The following SCN9A variants were observed in gnomAD, a reference collection of about 807,000 sequenced individuals.
SCN9A encodes sodium voltage-gated channel alpha subunit 9, also known as sodium channel protein type 9 subunit alpha.
SCN9A carries 131 observed loss-of-function variants against 187.0 expected under a neutral mutation model. The ratio of observed to expected loss-of-function variants is 0.70; its 90% confidence interval spans 0.61 to 0.81. The LOEUF is 0.81. Among genes scored for constraint, SCN9A ranks in the 30% least tolerant of loss-of-function variants. SCN9A has a pLI of 0.00. For missense variants in SCN9A, 2,252 were observed against 2,396.6 expected, an observed-to-expected ratio of 0.94 and a Z score of 1.26; for synonymous variants, 809 against 808.6, an observed-to-expected ratio of 1.00 and a Z score of -0.01.
At chr2:166,361,392 T>C (rs192366053) in intron 1 of SCN9A, among the ~76,000 whole-genome samples, 4 of 152,136 alleles carry the variant, frequency 2.6e-5, no homozygotes, top group Admixed American at 6.6e-5. Context: ...GACTAAAATG[T>C]ATGCTTATAG....
intron 14 of SCN9A, among the ~76,000 whole-genome samples, chr2:166,279,500 A>T (rs1282156229): frequency 6.6e-6 from 1 of 152,204 alleles, no homozygotes. Flanking sequence ...TAGTGTGACC[A>T]GCACTGTACA....
In SCN9A at chr2:166,198,560, C is replaced by A. The variant is rs1693314786; in HGVS notation, c.*112G>T. On this transcript the variant is annotated 3_prime_UTR_variant, in exon 27 of 27. Transcript: ENST00000642356. ...AAATCAGAGTTAGTGACTGCACTGCCTTCGAGAATATTTTGATAAAAAGGA... is the reference window on the plus strand; with the variant it reads ...AAATCAGAGTTAGTGACTGCACTGCATTCGAGAATATTTTGATAAAAAGGA... 36 of 822,730 alleles carry A rather than the reference C, an allele frequency of 4.4e-5. No homozygotes were observed. In the East Asian group the frequency reaches 9.1e-4, roughly 21 times the overall value. 51.0% of individuals were successfully genotyped at this position (822,730 alleles called of 1,614,324 possible). A position where few individuals can be genotyped will look rare whatever the true frequency, so the allele number is the denominator to read the frequency against.
At chr2:166,304,476 T>A (rs1698685952) in intron 5 of SCN9A, 147 bp from the exon 6 acceptor site, 1 of 641,194 alleles carries the variant, frequency 1.6e-6, no homozygotes, top group Admixed American at 2.9e-5. Context: ...ACTAACTTAA[T>A]TTAATTAGCA....
intron 17 of SCN9A, among the ~76,000 whole-genome samples, chr2:166,270,319 A>T (rs1696918662): frequency 6.6e-6 from 1 of 152,184 alleles, no homozygotes; most frequent in African/African-American, 2.4e-5. Flanking sequence ...TCTGAAGATA[A>T]TTTAAAGTGT....
intron 24 of SCN9A, among the ~76,000 whole-genome samples, chr2:166,226,079 G>A (rs1694830548): frequency 6.6e-6 from 1 of 151,822 alleles, no homozygotes; most frequent in Admixed American, 6.6e-5. Context: ...TCAAATTACA[G>A]TATTCAACAA....
At chr2:166,266,330 C>T (rs1305913636) in intron 17 of SCN9A, among the ~76,000 whole-genome samples, 2 of 151,920 alleles carry the variant, frequency 1.3e-5, no homozygotes, top group Admixed American at 6.6e-5. Context: ...TGTCCTTTCT[C>T]TATTATAGGT....
rs956913105 is a variant in SCN9A at position 166,347,903 on chromosome 2, TA to T, written c.-51+27793del. Among the ~76,000 whole-genome samples, 7 of 151,152 alleles carry T rather than the reference TA, an allele frequency of 4.6e-5. No individual in the cohort carries two copies. In the East Asian group the frequency reaches 5.8e-4, roughly 13 times the overall value. Reference sequence around the variant, plus strand: ...GAAGAGACAAAGGAGGATAAATATTTAAAAAAAAACACATAGGATCGGAGTG... The same window carrying T: ...GAAGAGACAAAGGAGGATAAATATTTAAAAAAAACACATAGGATCGGAGTG... On this transcript the variant is annotated intron_variant, in intron 1 of 26. Coordinates refer to ENST00000642356, the MANE Select transcript of SCN9A (RefSeq NM_001365536.1).
intron 2 of SCN9A, among the ~76,000 whole-genome samples, chr2:166,310,188 T>G (rs1177309447): frequency 9.8e-6 from 1 of 101,990 alleles, no homozygotes; most frequent in Admixed American, 9.1e-5. Flanking sequence ...GACATAGGCA[T>G]GGGCAAGGAC....
At chr2:166,307,865 A>G (rs1698808498) in intron 2 of SCN9A, among the ~76,000 whole-genome samples, 1 of 152,218 alleles carries the variant, frequency 6.6e-6, no homozygotes, top group African/African-American at 2.4e-5. Context: ...CAGAAAGACA[A>G]AGTTCAAATC....
At chr2:166,320,067 G>A (rs1363562455) in intron 1 of SCN9A, among the ~76,000 whole-genome samples, 1 of 151,960 alleles carries the variant, frequency 6.6e-6, no homozygotes, top group Non-Finnish European at 1.5e-5. Context: ...TAGAAAGTTA[G>A]AAAACATTAC....
intron 2 of SCN9A, 80 bp from the exon 3 acceptor site, chr2:166,307,154 T>G: frequency 1.4e-6 from 1 of 736,950 alleles, no homozygotes; most frequent in Non-Finnish European, 2.4e-6. Context: ...TTTACCTTTC[T>G]ACATGGCAGT....
intron 14 of SCN9A, among the ~76,000 whole-genome samples, chr2:166,278,850 G>A (rs12476348): frequency 0.019 from 2,819 of 152,216 alleles, 115 homozygotes; most frequent in Admixed American, 0.099. Context: ...ACACAAAAGT[G>A]CATTGCAAAA....
At chr2:166,200,236 A>G (rs1343177953) in intron 26 of SCN9A, among the ~76,000 whole-genome samples, 3 of 151,086 alleles carry the variant, frequency 2.0e-5, no homozygotes, top group Non-Finnish European at 4.4e-5. Context: ...TGACCTCGTG[A>G]TCCGCCCGCC....
intron 1 of SCN9A, among the ~76,000 whole-genome samples, chr2:166,333,573 T>G (rs1699558869): frequency 6.6e-6 from 1 of 152,116 alleles, no homozygotes; most frequent in Non-Finnish European, 1.5e-5. Context: ...TGTATTGACT[T>G]AAAGTTAACT....
At position 166,286,321 on chromosome 2, in the gene SCN9A, C is replaced by A. The variant is rs201987507; in HGVS notation, c.1602+15G>T. 4 of 1,592,374 alleles carry A rather than the reference C, an allele frequency of 2.5e-6. No individual in the cohort carries two copies. The African/African-American group carries it at 5.4e-5, about 22-fold the overall frequency. ...TCTGCCTCGGGTGATACACATTTAG[C>A]AATTTGGGTGGTACCTGATTGGGGG... is the stretch of plus-strand genomic sequence containing the variant. On this transcript the variant is annotated intron_variant, in intron 11 of 26. Coordinates refer to ENST00000642356, the MANE Select transcript of SCN9A (RefSeq NM_001365536.1).
At chr2:166,370,688 T>G (rs1425693819) in intron 1 of SCN9A, among the ~76,000 whole-genome samples, 1 of 152,158 alleles carries the variant, frequency 6.6e-6, no homozygotes, top group Non-Finnish European at 1.5e-5. Flanking sequence ...GCTTCTAATC[T>G]TATTTATCTT....
chr2:166,208,172 G>A (rs1182677131), intron 24 of SCN9A, among the ~76,000 whole-genome samples: 1 of 152,120 alleles, frequency 6.6e-6, no homozygotes, highest in Non-Finnish European at 1.5e-5. Context: ...TGTAAGTCAG[G>A]CTAGTTTTTT....
chr2:166,237,553 G>A (rs1273525670), intron 20 of SCN9A, among the ~76,000 whole-genome samples: 1 of 152,078 alleles, frequency 6.6e-6, no homozygotes, highest in Non-Finnish European at 1.5e-5. Context: ...AATTGGGTCT[G>A]AGATAGATAT....
intron 1 of SCN9A, among the ~76,000 whole-genome samples, chr2:166,342,558 A>G (rs545631150): frequency 7.9e-5 from 12 of 152,280 alleles, no homozygotes; most frequent in Admixed American, 1.3e-4. Flanking sequence ...TCACGTTTAG[A>G]ATAGAGTCTC....
Sources: gnomAD v4.1 joint callset for allele counts (sites outside exome capture counted in the v4.1 genomes callset) on GRCh38, gnomAD v4.1.1 for gene constraint, MANE v1.5 for transcripts, NCBI Gene and HGNC (gene_info 2026-07-23, HGNC 2026-07-21) for gene names.